Variants in PTPRD observed in about 807,000 individuals in gnomAD.
PTPRD encodes the protein protein tyrosine phosphatase receptor type D.
PTPRD carries 34 observed loss-of-function variants against 214.5 expected under a neutral mutation model. The ratio of observed to expected loss-of-function variants is 0.16; its 90% CI spans 0.12 to 0.21. The LOEUF (loss-of-function observed/expected upper bound fraction) is 0.21. PTPRD is among the 10% of genes least tolerant of loss of function. The probability of loss-of-function intolerance (pLI) is 1.00; values close to 1 mark genes in which losing one functional copy is unlikely to be tolerated. For synonymous variants in PTPRD, 1,128 were observed against 845.7 expected, an observed-to-expected ratio of 1.33 and a Z score of -5.79; for missense variants, 2,545 against 2,398.7, an observed-to-expected ratio of 1.06 and a Z score of -1.27.
intron 21 of PTPRD, among the ~76,000 whole-genome samples, chr9:8,513,601 G>A (rs1274045522): frequency 6.6e-6 from 1 of 151,970 alleles, no homozygotes; most frequent in African/African-American, 2.4e-5. Context: ...TTTTTATAGG[G>A]TTAGAGGAGA....
intron 3 of PTPRD, among the ~76,000 whole-genome samples, chr9:10,114,291 G>C (rs897604946): frequency 6.6e-6 from 1 of 152,116 alleles, no homozygotes; most frequent in African/African-American, 2.4e-5. Flanking sequence ...CCCTATTGAA[G>C]GGGTCAAAGG....
At chr9:9,857,391 A>G (rs1266309681) in intron 5 of PTPRD, among the ~76,000 whole-genome samples, 1 of 152,182 alleles carries the variant, frequency 6.6e-6, no homozygotes. Flanking sequence ...TGGAGCCCTG[A>G]GTAAGTTAAA....
At chr9:10,470,835 G>A (rs923165630) in intron 2 of PTPRD, among the ~76,000 whole-genome samples, 1 of 151,984 alleles carries the variant, frequency 6.6e-6, no homozygotes, top group African/African-American at 2.4e-5. Context: ...TCAGAAGAAA[G>A]ATATGAAATA....
intron 27 of PTPRD, among the ~76,000 whole-genome samples, chr9:8,487,854 G>T (rs2097061689): frequency 6.6e-6 from 1 of 151,000 alleles, no homozygotes; most frequent in African/African-American, 2.4e-5. Context: ...TGGCAACATA[G>T]CAAGACCTTA....
At chr9:8,719,889 G>C (rs1189889827) in intron 12 of PTPRD, among the ~76,000 whole-genome samples, 8 of 152,016 alleles carry the variant, frequency 5.3e-5, no homozygotes, top group East Asian at 1.9e-4. Flanking sequence ...GCATTTAAAA[G>C]TGTGTTATCT....
chr9:10,074,987 G>C (rs968034055), intron 3 of PTPRD, among the ~76,000 whole-genome samples: 3 of 152,120 alleles, frequency 2.0e-5, no homozygotes, highest in Admixed American at 2.0e-4. Context: ...TAAGTGAGGA[G>C]ATAGGGGAAG....
chr9:10,491,088 G>T (rs2040063671), intron 2 of PTPRD, among the ~76,000 whole-genome samples: 1 of 152,062 alleles, frequency 6.6e-6, no homozygotes, highest in African/African-American at 2.4e-5. Context: ...GAACTGCCTT[G>T]TTCACAGTTA....
intron 10 of PTPRD, among the ~76,000 whole-genome samples, chr9:9,154,105 A>C (rs1333562897): frequency 2.6e-5 from 4 of 152,130 alleles, no homozygotes; most frequent in Non-Finnish European, 5.9e-5. Context: ...ACTGTCATCC[A>C]TGAGAAATGT....
intron 2 of PTPRD, among the ~76,000 whole-genome samples, chr9:10,421,579 A>T (rs945493640): frequency 7.2e-5 from 11 of 151,886 alleles, no homozygotes; most frequent in African/African-American, 2.7e-4. Context: ...CAATTTTATG[A>T]ACGTGGTCCA....
chr9:9,281,009 A>C (rs542574059), intron 9 of PTPRD, among the ~76,000 whole-genome samples: 1 of 151,298 alleles, frequency 6.6e-6, no homozygotes, highest in Non-Finnish European at 1.5e-5. Flanking sequence ...ATCAAAGGCA[A>C]TACAATAGAG....
chr9:10,077,740 C>T (rs2098157315), intron 3 of PTPRD, among the ~76,000 whole-genome samples: 1 of 151,972 alleles, frequency 6.6e-6, no homozygotes, highest in South Asian at 2.1e-4. Flanking sequence ...AAGTAAGAAC[C>T]TTTGGTATTT....
intron 4 of PTPRD, among the ~76,000 whole-genome samples, chr9:9,971,351 G>A (rs879698654): frequency 6.6e-6 from 1 of 152,112 alleles, no homozygotes; most frequent in African/African-American, 2.4e-5. Flanking sequence ...ATATTTGGAG[G>A]AAGAATAATA....
At chr9:8,362,632 T>G (rs998527825) in intron 39 of PTPRD, among the ~76,000 whole-genome samples, 20 of 152,222 alleles carry the variant, frequency 1.3e-4, no homozygotes, top group Non-Finnish European at 2.9e-4. Context: ...GGACTGAAGT[T>G]GTTTCTTCAA....
intron 3 of PTPRD, among the ~76,000 whole-genome samples, chr9:10,205,777 AAAGT>A (rs1202998131): frequency 1.3e-5 from 2 of 152,196 alleles, no homozygotes; most frequent in Non-Finnish European, 2.9e-5. Flanking sequence ...CTAGAATTTT[AAAGT>A]AATTCAACTA....
At chr9:8,492,053 T>C (rs1392336097) in intron 27 of PTPRD, among the ~76,000 whole-genome samples, 2 of 152,196 alleles carry the variant, frequency 1.3e-5, no homozygotes, top group East Asian at 3.8e-4. Context: ...ACCAAAGTCA[T>C]CCTAAAAAGC....
chr9:9,649,855 A>T (rs2096288369), intron 7 of PTPRD, among the ~76,000 whole-genome samples: 1 of 152,244 alleles, frequency 6.6e-6, no homozygotes, highest in Non-Finnish European at 1.5e-5. Context: ...TAATTTATGC[A>T]TCTTTTCATT....
intron 5 of PTPRD, among the ~76,000 whole-genome samples, chr9:9,785,854 T>G (rs1437215047): frequency 6.6e-6 from 1 of 152,140 alleles, no homozygotes; most frequent in East Asian, 1.9e-4. Context: ...GTACCATTTT[T>G]GCACAATTCC....
At chr9:9,486,126 G>C (rs1306110622) in intron 8 of PTPRD, among the ~76,000 whole-genome samples, 2 of 109,976 alleles carry the variant, frequency 1.8e-5, no homozygotes, top group Non-Finnish European at 3.3e-5. Flanking sequence ...ACTCCAGTCT[G>C]GGCAACAGAG....
At chr9:10,176,711 T>G (rs544801933) in intron 3 of PTPRD, among the ~76,000 whole-genome samples, 2 of 151,998 alleles carry the variant, frequency 1.3e-5, no homozygotes, top group African/African-American at 2.4e-5. Flanking sequence ...ACCATGTTTA[T>G]GAGCCGCACA....
Sources: gnomAD v4.1 joint callset for allele counts (sites outside exome capture counted in the v4.1 genomes callset) on GRCh38, gnomAD v4.1.1 for gene constraint, MANE v1.5 for transcripts, NCBI Gene and HGNC (gene_info 2026-07-23, HGNC 2026-07-21) for gene names.